The following MED13 variants were observed in gnomAD, a reference collection of about 807,000 sequenced individuals.
MED13 encodes mediator of RNA polymerase II transcription subunit 13.
In MED13, 23 loss-of-function variants were observed where a neutral mutation model predicts 225.2. The observed-to-expected ratio is 0.10, with a 90% CI of 0.07 to 0.14. MED13 has a LOEUF of 0.14. Among genes scored for constraint, MED13 ranks in the 10% least tolerant of loss-of-function variants. MED13 has a pLI of 1.00. For missense variants in MED13, 2,197 were observed against 2,594.5 expected (o/e 0.85, Z 3.33); for synonymous variants, 942 against 889.2 (o/e 1.06, Z -1.06).
At chr17:62,012,037 T>C (rs1374930877) in intron 8 of MED13, among the ~76,000 whole-genome samples, 3 of 151,772 alleles carry the variant, frequency 2.0e-5, no homozygotes, top group Non-Finnish European at 4.4e-5. Context: ...GCCAACATGG[T>C]AAAACCCCGT....
intron 3 of MED13, among the ~76,000 whole-genome samples, chr17:62,051,470 T>A (rs1568003700): frequency 2.6e-5 from 4 of 152,204 alleles, no homozygotes; most frequent in Admixed American, 2.6e-4. Flanking sequence ...GCCAAGTAGT[T>A]AATGTTGTTC....
chr17:62,038,195 G>C (rs1055871805), intron 3 of MED13, among the ~76,000 whole-genome samples: 8 of 152,152 alleles, frequency 5.3e-5, no homozygotes, highest in African/African-American at 1.9e-4. Flanking sequence ...CCAGGGGTTT[G>C]GGACCAGCCT....
At chr17:61,957,037 T>C (rs557432786) in intron 23 of MED13, among the ~76,000 whole-genome samples, 1 of 152,288 alleles carries the variant, frequency 6.6e-6, no homozygotes, top group East Asian at 1.9e-4. Flanking sequence ...TCAGCAATAC[T>C]GCTCTACGCC....
chr17:61,946,509 C>T lies in MED13; in HGVS notation c.6484G>A (p.Val2162Met). Residue 2162 changes from valine (V) to methionine (M), a missense_variant, in exon 30 of 30, where the codon GTG becomes ATG. Transcript: ENST00000397786. ...RRSCLPIHFV[V>M]LNQLYNFIMN... is the part of the protein sequence containing the mutation. Reference sequence around the variant, plus strand: ...ATAAAGTTATATAACTGATTCAGCACCACAAAATGAATTGGGAGACATGAG... The same window carrying T: ...ATAAAGTTATATAACTGATTCAGCATCACAAAATGAATTGGGAGACATGAG... 1 of 1,613,826 alleles carries T rather than the reference C, an allele frequency of 6.2e-7. No homozygotes were observed. Among genetic ancestry groups the T allele is most frequent in the East Asian group, 2.2e-5 (1 of 44,870 alleles).
chr17:62,007,124 C>G (rs1209946782), intron 9 of MED13: 1 of 152,166 alleles, frequency 6.6e-6, no homozygotes, highest in Non-Finnish European at 1.5e-5. Context: ...GCCTATAGTC[C>G]CAGTTCCTCT....
intron 29 of MED13, 142 bp from the exon 30 acceptor site, chr17:61,946,742 T>A: frequency 8.5e-7 from 1 of 1,169,838 alleles, no homozygotes; most frequent in Non-Finnish European, 1.2e-6. Context: ...AGAAGCAATT[T>A]CCATAAAAAT....
intron 8 of MED13, among the ~76,000 whole-genome samples, chr17:62,023,933 A>G (rs1431838346): frequency 1.3e-5 from 2 of 152,250 alleles, no homozygotes; most frequent in Non-Finnish European, 2.9e-5. Context: ...AACTAACCAA[A>G]GCAAGTCACA....
chr17:61,995,389 T>A (rs757661218), intron 9 of MED13, 24 bp from the exon 10 acceptor site: 3 of 1,526,512 alleles, frequency 2.0e-6, no homozygotes, highest in Non-Finnish European at 2.7e-6. Context: ...TTAAAAAAAA[T>A]TAATTATCCA....
In MED13 at chr17:61,982,479, T is replaced by C. The variant is rs1264959037; in HGVS notation, c.3524A>G (p.Asn1175Ser). 9 of 1,614,104 alleles carry C rather than the reference T, an allele frequency of 5.6e-6. No homozygotes were observed. The highest frequency in any genetic ancestry group is 7.6e-6 in the Non-Finnish European group (9 of 1,180,048). Residue 1175 changes from asparagine to serine, a missense_variant, in exon 16 of 30, where the codon AAT (asparagine) becomes AGT (serine). Physicochemically the swap from Asn to Ser is conservative, Grantham distance 46. This residue lies in a region of MED13 where 203 missense variants were observed against 209.7 expected (regional missense o/e 0.97). Coordinates refer to ENST00000397786, the MANE Select transcript of MED13 (RefSeq NM_005121.3). The part of the protein sequence containing the change: ...ALRATSAEHV[N>S]GGLKESEKLS... Reference sequence around the variant, plus strand: ...TTTTTCAGATTCCTTTAGTCCTCCATTAACATGTTCAGCAGAGGTAGCCCT... The same window carrying C: ...TTTTTCAGATTCCTTTAGTCCTCCACTAACATGTTCAGCAGAGGTAGCCCT...
chr17:62,037,917 C>T (rs1160758641), intron 3 of MED13, among the ~76,000 whole-genome samples: 6 of 121,332 alleles, frequency 4.9e-5, no homozygotes, highest in African/African-American at 1.8e-4. Context: ...GATCTTGCCA[C>T]TGCACTTCAG....
intron 2 of MED13, among the ~76,000 whole-genome samples, chr17:62,062,259 T>C (rs1394976101): frequency 6.6e-6 from 1 of 152,226 alleles, no homozygotes. Flanking sequence ...TATCTAAGAT[T>C]CAGTTAATAC....
intron 11 of MED13, among the ~76,000 whole-genome samples, chr17:61,988,995 T>G (rs190402310): frequency 6.6e-6 from 1 of 151,638 alleles, no homozygotes; most frequent in African/African-American, 2.4e-5. Context: ...CACTTTACTT[T>G]CTACTTCCAT....
At chr17:62,009,440 A>AACAGGAAACCTAAATAC (rs2080485597) in intron 9 of MED13, among the ~76,000 whole-genome samples, 1 of 152,246 alleles carries the variant, frequency 6.6e-6, no homozygotes. Flanking sequence ...CAAGTCACAG[A>AACAGGAAACCTAAATAC]ACAGGAAACC....
intron 8 of MED13, 86 bp from the exon 9 acceptor site, chr17:62,011,319 G>C: frequency 8.8e-7 from 1 of 1,130,756 alleles, no homozygotes; most frequent in Non-Finnish European, 1.2e-6. Context: ...AGACACTTCG[G>C]TTATCATTTC....
In MED13 at chr17:61,982,286, C is replaced by A; in HGVS notation, c.3717G>T (p.Gly1239=). The A allele has an allele frequency of 6.2e-7, 1 of 1,614,206 alleles. No individual in the cohort carries two copies. Among genetic ancestry groups the A allele is most frequent in the Admixed American group, 1.7e-5 (1 of 60,024 alleles). The change falls in exon 16 of 30, where the codon GGG becomes GGT. Residue 1239 remains glycine, a synonymous_variant. Coordinates refer to ENST00000397786, the MANE Select transcript of MED13 (RefSeq NM_005121.3). ...CNDCYLALEH[G]RQFMDNMSGG... ...CTGACATGTTATCCATGAACTGACGCCCATGTTCTAATGCAAGGTAGCAGT... is the reference window on the plus strand; with the variant it reads ...CTGACATGTTATCCATGAACTGACGACCATGTTCTAATGCAAGGTAGCAGT...
At chr17:62,008,016 C>CAGAAAAAAA (rs2080468733) in intron 9 of MED13, among the ~76,000 whole-genome samples, 1 of 50,510 alleles carries the variant, frequency 2.0e-5, no homozygotes, top group Non-Finnish European at 3.9e-5. Context: ...GAGACTGTCT[C>CAGAAAAAAA]AAAAAAAAAA....
At chr17:62,034,905 G>A (rs1300065656) in intron 4 of MED13, among the ~76,000 whole-genome samples, 1 of 152,028 alleles carries the variant, frequency 6.6e-6, no homozygotes, top group Non-Finnish European at 1.5e-5. Flanking sequence ...GACCACTTGA[G>A]GTCAGGTGTT....
At chr17:61,970,188 G>C (rs1463349998) in intron 17 of MED13, among the ~76,000 whole-genome samples, 2 of 152,166 alleles carry the variant, frequency 1.3e-5, no homozygotes, top group African/African-American at 4.8e-5. Context: ...AAACATAAAT[G>C]AGGAAGTTAA....
At chr17:62,000,598 G>GTA (rs2080386273) in intron 9 of MED13, among the ~76,000 whole-genome samples, 1 of 152,116 alleles carries the variant, frequency 6.6e-6, no homozygotes, top group Non-Finnish European at 1.5e-5. Flanking sequence ...CAGCATATAT[G>GTA]TATGCACATA....
Sources: gnomAD v4.1 joint callset for allele counts (sites outside exome capture counted in the v4.1 genomes callset) on GRCh38, gnomAD v4.1.1 for gene constraint, gnomAD v4.1.1 regional missense constraint, MANE v1.5 for transcripts, NCBI Gene and HGNC (gene_info 2026-07-23, HGNC 2026-07-21) for gene names.